Variants in PCCA observed in about 807,000 individuals in gnomAD.
PCCA encodes propionyl-CoA carboxylase subunit alpha.
Under a neutral mutation model 101.3 loss-of-function variants are expected in PCCA, and 74 were observed. The ratio of observed to expected loss-of-function variants is 0.73; its 90% confidence interval spans 0.61 to 0.89. The LOEUF (loss-of-function observed/expected upper bound fraction) is 0.89. Ranked by LOEUF, PCCA falls within the 40% of genes least tolerant of loss-of-function variation. The probability of loss-of-function intolerance (pLI) is 0.00; values close to 1 mark genes in which losing one functional copy is unlikely to be tolerated. For synonymous variants in PCCA, 294 were observed against 313.6 expected, an observed-to-expected ratio of 0.94 and a Z score of 0.66; for missense variants, 891 against 907.0, an observed-to-expected ratio of 0.98 and a Z score of 0.23.
intron 18 of PCCA, among the ~76,000 whole-genome samples, chr13:100,365,257 A>G (rs1205694733): frequency 4.6e-5 from 7 of 152,208 alleles, no homozygotes; most frequent in Admixed American, 3.9e-4. Flanking sequence ...GAAACCCTGT[A>G]CTCTTTCCAT....
intron 7 of PCCA, among the ~76,000 whole-genome samples, chr13:100,224,129 C>A (rs912816198): frequency 6.6e-6 from 1 of 152,208 alleles, no homozygotes; most frequent in Admixed American, 6.5e-5. Flanking sequence ...GCTCTGGCCC[C>A]ACAGGAGCCC....
chr13:100,463,753 G>A (rs950749727), intron 21 of PCCA, among the ~76,000 whole-genome samples: 79 of 152,260 alleles, frequency 5.2e-4, no homozygotes, highest in African/African-American at 1.9e-3. Flanking sequence ...GCCCAGAATG[G>A]AGCTCCAGGA....
chr13:100,169,235 A>G (rs555626575), intron 6 of PCCA, among the ~76,000 whole-genome samples: 3 of 123,274 alleles, frequency 2.4e-5, no homozygotes, highest in Admixed American at 1.5e-4. Flanking sequence ...TGAGGTCAGC[A>G]GTTTGAGACC....
At chr13:100,161,840 ACAT>A (rs1287596779) in intron 6 of PCCA, among the ~76,000 whole-genome samples, 5 of 152,166 alleles carry the variant, frequency 3.3e-5, no homozygotes, top group African/African-American at 9.7e-5. Context: ...TTTTGTGTAG[ACAT>A]CATTTTAATG....
intron 21 of PCCA, among the ~76,000 whole-genome samples, chr13:100,474,870 T>C (rs1247939399): frequency 6.6e-6 from 1 of 152,206 alleles, no homozygotes; most frequent in Non-Finnish European, 1.5e-5. Flanking sequence ...TTTGTAGCAA[T>C]TTTATTGAGA....
chr13:100,392,294 AAATT>A (rs1251950903), intron 19 of PCCA, among the ~76,000 whole-genome samples: 1 of 152,202 alleles, frequency 6.6e-6, no homozygotes, highest in Non-Finnish European at 1.5e-5. Context: ...ACTCTTTAAT[AAATT>A]AGAATGTTGT....
At chr13:100,510,069 G>A (rs1331606897) in intron 21 of PCCA, among the ~76,000 whole-genome samples, 2 of 152,076 alleles carry the variant, frequency 1.3e-5, no homozygotes, top group African/African-American at 4.8e-5. Context: ...CTATTATTTG[G>A]ATTTCTGGCA....
At chr13:100,208,064 TATAC>T in intron 6 of PCCA, among the ~76,000 whole-genome samples, 1 of 152,136 alleles carries the variant, frequency 6.6e-6, no homozygotes, top group South Asian at 2.1e-4. Context: ...TAATAACCCC[TATAC>T]CTCTATATCT....
At chr13:100,138,297 A>C (rs1194031552) in intron 4 of PCCA, among the ~76,000 whole-genome samples, 4 of 152,148 alleles carry the variant, frequency 2.6e-5, no homozygotes, top group Non-Finnish European at 4.4e-5. Context: ...TGATTATAAT[A>C]TACATACTTA....
intron 21 of PCCA, among the ~76,000 whole-genome samples, chr13:100,514,371 A>G (rs1211438028): frequency 3.3e-5 from 5 of 152,090 alleles, no homozygotes; most frequent in Non-Finnish European, 7.4e-5. Context: ...GGGGAATTAT[A>G]TTTTGTTTTT....
At chr13:100,219,635 A>G (rs1029335857) in intron 7 of PCCA, among the ~76,000 whole-genome samples, 3 of 152,218 alleles carry the variant, frequency 2.0e-5, no homozygotes, top group African/African-American at 7.2e-5. Flanking sequence ...AGGTAAATAT[A>G]CTGCCACCCA....
intron 12 of PCCA, among the ~76,000 whole-genome samples, chr13:100,277,464 C>T (rs1301836230): frequency 1.3e-5 from 2 of 152,040 alleles, no homozygotes; most frequent in African/African-American, 4.8e-5. Flanking sequence ...TTAAGAAGAC[C>T]TCCCCCATCT....
At chr13:100,155,853 A>G (rs367965176) in intron 5 of PCCA, among the ~76,000 whole-genome samples, 228 of 152,354 alleles carry the variant, frequency 1.5e-3, no homozygotes, top group South Asian at 0.012. Flanking sequence ...ATGTTTAAAT[A>G]AAAAGCCTAA....
At chr13:100,124,439 T>C (rs1165168793) in intron 4 of PCCA, among the ~76,000 whole-genome samples, 1 of 152,172 alleles carries the variant, frequency 6.6e-6, no homozygotes, top group South Asian at 2.1e-4. Flanking sequence ...AGCCTGCTGT[T>C]GAAAGGATGA....
At chr13:100,106,743 G>A (rs2047835391) in intron 2 of PCCA, among the ~76,000 whole-genome samples, 1 of 152,034 alleles carries the variant, frequency 6.6e-6, no homozygotes, top group Admixed American at 6.6e-5. Context: ...AGAGATACGA[G>A]GGATAAAGGT....
In PCCA at chr13:100,323,344, CA is replaced by C. The variant is rs2068276402; in HGVS notation, c.1430-7216del. Among the ~76,000 whole-genome samples, 5 of 150,622 alleles carry C rather than the reference CA, an allele frequency of 3.3e-5. No homozygotes were observed. In the South Asian group the frequency reaches 1.1e-3, roughly 32 times the overall value. On this transcript the variant is annotated intron_variant, in intron 16 of 23. Coordinates refer to ENST00000376285, the MANE Select transcript of PCCA (RefSeq NM_000282.4). ...TTTTTTTTTTGTTGTTTTTTTGAGA[CA>C]GAGTCTCACTCTGTCACCCAGGCTG... is the stretch of plus-strand genomic sequence containing the variant.
chr13:100,223,898 C>T (rs1218016913), intron 7 of PCCA, among the ~76,000 whole-genome samples: 2 of 152,308 alleles, frequency 1.3e-5, no homozygotes, highest in Admixed American at 6.5e-5. Flanking sequence ...GAGCTAGACA[C>T]AGGGTGCTGA....
At chr13:100,522,384 T>C (rs908711981) in intron 22 of PCCA, among the ~76,000 whole-genome samples, 7 of 152,242 alleles carry the variant, frequency 4.6e-5, no homozygotes, top group African/African-American at 1.7e-4. Context: ...CATCAGGAGC[T>C]AATTTTTTAT....
At position 100,313,249 on chromosome 13, in the gene PCCA, G is replaced by A. The variant is rs1460259114; in HGVS notation, c.1429+3341G>A. ...AATACTTTACCAGGCTTCTTAAGGG[G>A]AAGACCATGTTCCTGTAACTGGATT... On this transcript the variant is annotated intron_variant, in intron 16 of 23. Coordinates refer to ENST00000376285, the MANE Select transcript of PCCA (RefSeq NM_000282.4). Among the ~76,000 whole-genome samples, 5 of 152,152 alleles carry A rather than the reference G, an allele frequency of 3.3e-5. No individual in the cohort carries two copies. The East Asian group carries it at 7.7e-4, about 23-fold the overall frequency.
Sources: gnomAD v4.1 joint callset for allele counts (sites outside exome capture counted in the v4.1 genomes callset) on GRCh38, gnomAD v4.1.1 for gene constraint, MANE v1.5 for transcripts, NCBI Gene and HGNC (gene_info 2026-07-23, HGNC 2026-07-21) for gene names.